Variants in EPB41L3 observed in about 807,000 individuals in gnomAD.
EPB41L3 encodes the protein band 4.1-like protein 3.
In EPB41L3, 57 loss-of-function variants were observed where a neutral mutation model predicts 127.1. The observed-to-expected ratio is 0.45, with a 90% CI of 0.36 to 0.56. The LOEUF (loss-of-function observed/expected upper bound fraction) is 0.56, where lower values mean the gene tolerates loss of function less well. EPB41L3 is among the 20% of genes least tolerant of loss of function. The pLI, the probability that EPB41L3 is intolerant of heterozygous loss-of-function variation, is 0.00. For synonymous variants in EPB41L3, 572 were observed against 549.5 expected, an observed-to-expected ratio of 1.04 and a Z score of -0.57; for missense variants, 1,273 against 1,372.2, an observed-to-expected ratio of 0.93 and a Z score of 1.14.
intron 3 of EPB41L3, among the ~76,000 whole-genome samples, chr18:5,560,389 A>G (rs2094107706): frequency 6.6e-6 from 1 of 152,214 alleles, no homozygotes; most frequent in Non-Finnish European, 1.5e-5. Flanking sequence ...TTTTAAGAAC[A>G]AGCTTCCTCA....
upstream of EPB41L3, among the ~76,000 whole-genome samples, chr18:5,546,809 T>G (rs746372089): frequency 6.6e-6 from 1 of 152,194 alleles, no homozygotes; most frequent in Non-Finnish European, 1.5e-5. Context: ...CTCTTCATTC[T>G]TTCTTGTGAA....
At chr18:5,494,527 G>A (rs577154845) in intron 1 of EPB41L3, among the ~76,000 whole-genome samples, 35 of 152,080 alleles carry the variant, frequency 2.3e-4, no homozygotes, top group South Asian at 1.7e-3. Context: ...GTATGCGGTG[G>A]GCACCTGTAA....
intron 3 of EPB41L3, among the ~76,000 whole-genome samples, chr18:5,472,760 A>G (rs1425620849): frequency 1.3e-5 from 2 of 152,196 alleles, no homozygotes; most frequent in African/African-American, 2.4e-5. Context: ...GTTGAATCTC[A>G]ATAAGTACAG....
chr18:5,509,480 C>G (rs1448691899), intron 1 of EPB41L3, among the ~76,000 whole-genome samples: 1 of 152,178 alleles, frequency 6.6e-6, no homozygotes, highest in African/African-American at 2.4e-5. Context: ...ATTAATCTTC[C>G]TATTTCACGG....
intron 3 of EPB41L3, among the ~76,000 whole-genome samples, chr18:5,581,984 G>A (rs1229022620): frequency 6.6e-6 from 1 of 152,180 alleles, no homozygotes; most frequent in Non-Finnish European, 1.5e-5. Flanking sequence ...GTGTCAGAGG[G>A]AGACCCTGTC....
intron 1 of EPB41L3, among the ~76,000 whole-genome samples, chr18:5,494,451 AG>A (rs1568417766): frequency 6.6e-6 from 1 of 152,192 alleles, no homozygotes; most frequent in Non-Finnish European, 1.5e-5. Flanking sequence ...TGAGGTCAGG[AG>A]TTCAAGACCA....
intron 2 of EPB41L3, among the ~76,000 whole-genome samples, chr18:5,612,866 G>A (rs1258492836): frequency 6.6e-6 from 1 of 152,174 alleles, no homozygotes; most frequent in African/African-American, 2.4e-5. Context: ...TCAGTCTCCT[G>A]AGTAGCTGGG....
chr18:5,450,349 A>G (rs2082126027), intron 3 of EPB41L3, among the ~76,000 whole-genome samples: 1 of 152,196 alleles, frequency 6.6e-6, no homozygotes, highest in Non-Finnish European at 1.5e-5. Context: ...ACCTTAGTCA[A>G]CAATAATGTG....
intron 3 of EPB41L3, among the ~76,000 whole-genome samples, chr18:5,583,514 G>A (rs2094414504): frequency 6.6e-6 from 1 of 152,122 alleles, no homozygotes; most frequent in Non-Finnish European, 1.5e-5. Context: ...ACATTATCTG[G>A]ATTCAACTGA....
intron 1 of EPB41L3, among the ~76,000 whole-genome samples, chr18:5,531,526 C>T (rs974792907): frequency 7.2e-5 from 11 of 151,908 alleles, no homozygotes; most frequent in African/African-American, 2.7e-4. Flanking sequence ...AGTTCAAGAC[C>T]AGCCTGGCCA....
chr18:5,455,146 C>T (rs1172671210), intron 3 of EPB41L3, among the ~76,000 whole-genome samples: 1 of 152,054 alleles, frequency 6.6e-6, no homozygotes, highest in East Asian at 1.9e-4. Flanking sequence ...ACAATAAATG[C>T]GGGTGATTAT....
intron 3 of EPB41L3, among the ~76,000 whole-genome samples, chr18:5,606,877 C>A (rs1173691042): frequency 7.1e-6 from 1 of 141,488 alleles, no homozygotes; most frequent in Non-Finnish European, 1.5e-5. Context: ...CCCACCATGG[C>A]GTCATTCTCT....
In EPB41L3 at chr18:5,592,278, T is replaced by C. The variant is rs2143565799; in HGVS notation, c.-306+20062A>G. 1.3e-5 allele frequency among the ~76,000 whole-genome samples: 2 copies of C among 152,276 alleles called. 1 individual carries two copies. Among genetic ancestry groups the C allele is most frequent in the Non-Finnish European group, 2.9e-5 (2 of 68,022 alleles). The stretch of plus-strand genomic sequence containing the variant: ...ACCTCGCGGGTTGAGGTGATTCTCC[T>C]GCCTCAGCCTCCTGAGTAGCTGGGA... On this transcript the variant is annotated intron_variant, in intron 3 of 21. Coordinates refer to the EPB41L3 transcript ENST00000545076.
In EPB41L3 at chr18:5,449,955, G is replaced by A. The variant is rs536590102; in HGVS notation, c.382-4711C>T. ...AATTACAAAATATACTGTAATAAAA[G>A]TTATGTGAGTGTAGTCTCTATCTCT... On this transcript the variant is annotated intron_variant, in intron 3 of 22. Coordinates refer to ENST00000341928, the MANE Select transcript of EPB41L3 (RefSeq NM_012307.5). 2.0e-5 allele frequency among the ~76,000 whole-genome samples: 3 copies of A among 152,274 alleles called. No homozygotes were observed. In the East Asian group the frequency reaches 5.8e-4, roughly 29 times the overall value.
intron 1 of EPB41L3, among the ~76,000 whole-genome samples, chr18:5,515,583 C>A (rs528541305): frequency 5.3e-4 from 80 of 152,214 alleles, no homozygotes; most frequent in African/African-American, 1.9e-3. Context: ...GGCACCATCA[C>A]CAGGATTAAC....
In EPB41L3 at chr18:5,474,432, G is replaced by A. The variant is rs138845845; in HGVS notation, c.381+3809C>T. Among the ~76,000 whole-genome samples, 42 of 152,160 alleles carry A rather than the reference G, an allele frequency of 2.8e-4. 1 individual carries two copies. The East Asian group carries it at 6.2e-3, about 22-fold the overall frequency. ...CTCCTTCTATCTTGCTTTCTGGGTC[G>A]ATGGGTCTCTCCCACTGTAGCCTTG... On this transcript the variant is annotated intron_variant, in intron 3 of 22. Transcript: ENST00000341928.
At chr18:5,539,037 A>T (rs2093652327) in intron 1 of EPB41L3, among the ~76,000 whole-genome samples, 1 of 134,798 alleles carries the variant, frequency 7.4e-6, no homozygotes, top group Non-Finnish European at 1.6e-5. Flanking sequence ...AGCGTAAGTT[A>T]CAAATGGCCC....
chr18:5,415,776 C>T (rs753578876), intron 13 of EPB41L3, 42 bp downstream of exon 13: 13 of 1,571,628 alleles, frequency 8.3e-6, no homozygotes, highest in South Asian at 2.3e-5. Flanking sequence ...GACTCAAGCA[C>T]GGAACACGAA....
chr18:5,544,134 C>T (rs2093833526), upstream of EPB41L3: 4 of 985,510 alleles, frequency 4.1e-6, no homozygotes, highest in Middle Eastern at 5.2e-4. Context: ...CCAACCTCGT[C>T]CTGCCTGCCC....
Sources: allele counts gnomAD v4.1 joint callset (sites outside exome capture counted in the v4.1 genomes callset), GRCh38; gene constraint gnomAD v4.1.1; transcripts MANE v1.5; gene names NCBI Gene and HGNC (gene_info 2026-07-23, HGNC 2026-07-21).